The following BRINP3 variants were observed in gnomAD, a reference collection of about 807,000 sequenced individuals.
The protein encoded by BRINP3 is BMP/retinoic acid inducible neural specific 3.
In BRINP3, 19 loss-of-function variants were observed where a neutral mutation model predicts 71.0. The observed-to-expected ratio is 0.27, with a 90% CI of 0.19 to 0.39. The LOEUF is 0.39. BRINP3 is among the 10% of genes least tolerant of loss of function. The pLI is 1.00. For missense variants in BRINP3, 959 were observed against 940.8 expected, an observed-to-expected ratio of 1.02 and a Z score of -0.25; for synonymous variants, 380 against 337.7, an observed-to-expected ratio of 1.13 and a Z score of -1.37.
chr1:190,425,179 A>T (rs1459219445), intron 2 of BRINP3, among the ~76,000 whole-genome samples: 3 of 151,696 alleles, frequency 2.0e-5, no homozygotes, highest in African/African-American at 7.2e-5. Context: ...TATTTTGGAG[A>T]ACAGAAGAAG....
chr1:190,415,090 CA>C (rs1347427472), intron 2 of BRINP3, among the ~76,000 whole-genome samples: 1 of 152,144 alleles, frequency 6.6e-6, no homozygotes, highest in Non-Finnish European at 1.5e-5. Context: ...AACTTTTAAT[CA>C]AAATTCATGT....
intron 4 of BRINP3, among the ~76,000 whole-genome samples, chr1:190,257,931 TG>T (rs1346651444): frequency 7.2e-5 from 11 of 152,148 alleles, no homozygotes; most frequent in African/African-American, 2.2e-4. Context: ...TTAGGCTACA[TG>T]GGGGGTCAGG....
chr1:190,395,762 T>C (rs1240105040), intron 2 of BRINP3, among the ~76,000 whole-genome samples: 1 of 151,852 alleles, frequency 6.6e-6, no homozygotes, highest in African/African-American at 2.4e-5. Context: ...CAACGATTCT[T>C]AACTAAGTTT....
chr1:190,247,852 TACATTTCCAATAC>T lies in BRINP3; in HGVS notation c.619-13388_619-13376del, dbSNP rs1443206424. On this transcript the variant is annotated intron_variant, in intron 4 of 7. Coordinates refer to ENST00000367462, the MANE Select transcript of BRINP3 (RefSeq NM_199051.3). The stretch of plus-strand genomic sequence containing the variant: ...ATTTTTAAAAAATAAATTACCTACT[TACATTTCCAATAC>T]ACATTTCCAATATATTTCAAGGTCA... Among the ~76,000 whole-genome samples the T allele has an allele frequency of 2.0e-5, 3 of 152,084 alleles. No homozygotes were observed. The East Asian group carries it at 5.8e-4, about 29-fold the overall frequency.
chr1:190,104,533 T>C (rs1651977180), intron 7 of BRINP3, among the ~76,000 whole-genome samples: 5 of 152,082 alleles, frequency 3.3e-5, no homozygotes, highest in Admixed American at 6.6e-5. Flanking sequence ...AACATTTCGT[T>C]TTCTCTTCAA....
At chr1:190,384,846 T>C (rs1670781111) in intron 2 of BRINP3, among the ~76,000 whole-genome samples, 1 of 151,946 alleles carries the variant, frequency 6.6e-6, no homozygotes, top group Non-Finnish European at 1.5e-5. Context: ...AGATTTATCA[T>C]ATAAGAAACA....
intron 4 of BRINP3, among the ~76,000 whole-genome samples, chr1:190,261,354 T>C (rs908132129): frequency 1.1e-4 from 17 of 152,072 alleles, no homozygotes; most frequent in African/African-American, 4.1e-4. Context: ...TGAAATAAAA[T>C]TTGATATAAA....
chr1:190,337,868 ATTG>A (rs372440917), intron 2 of BRINP3, among the ~76,000 whole-genome samples: 26 of 151,822 alleles, frequency 1.7e-4, no homozygotes, highest in African/African-American at 2.7e-4. Flanking sequence ...CTTGGGTTTT[ATTG>A]TTGTTGTTGT....
At chr1:190,147,189 T>G (rs1655964257) in intron 7 of BRINP3, among the ~76,000 whole-genome samples, 1 of 152,092 alleles carries the variant, frequency 6.6e-6, no homozygotes, top group Non-Finnish European at 1.5e-5. Flanking sequence ...ATGCATGCCA[T>G]CCACAACTAA....
At chr1:190,451,787 G>A (rs897201857) in intron 2 of BRINP3, among the ~76,000 whole-genome samples, 1 of 152,082 alleles carries the variant, frequency 6.6e-6, no homozygotes, top group Non-Finnish European at 1.5e-5. Context: ...CTTAGCCCTA[G>A]CTATGATTTT....
At chr1:190,200,609 A>G (rs1438465684) in intron 6 of BRINP3, among the ~76,000 whole-genome samples, 2 of 152,116 alleles carry the variant, frequency 1.3e-5, no homozygotes, top group Admixed American at 6.6e-5. Context: ...TGATGATGGA[A>G]GATGATAGGA....
chr1:190,407,449 A>G (rs1435189148), intron 2 of BRINP3, among the ~76,000 whole-genome samples: 4 of 152,156 alleles, frequency 2.6e-5, no homozygotes, highest in Non-Finnish European at 2.9e-5. Flanking sequence ...CATCAAAAAC[A>G]CTAAATCCTT....
intron 2 of BRINP3, among the ~76,000 whole-genome samples, chr1:190,351,830 A>G (rs1317625957): frequency 1.3e-5 from 2 of 152,248 alleles, no homozygotes; most frequent in East Asian, 3.9e-4. Context: ...ACCATTTCTA[A>G]GATGAACAAA....
At chr1:190,390,027 T>A (rs529975178) in intron 2 of BRINP3, among the ~76,000 whole-genome samples, 1 of 151,934 alleles carries the variant, frequency 6.6e-6, no homozygotes, top group East Asian at 1.9e-4. Flanking sequence ...TGATGAGACT[T>A]TTCCTGTAAA....
At chr1:190,401,376 CAAAAAAAAAAAA>C (rs762938571) in intron 2 of BRINP3, among the ~76,000 whole-genome samples, 1 of 89,372 alleles carries the variant, frequency 1.1e-5, no homozygotes, top group African/African-American at 5.0e-5. Flanking sequence ...CATCTCAAAA[CAAAAAAAAAAAA>C]AAAAAAAAAG....
intron 2 of BRINP3, among the ~76,000 whole-genome samples, chr1:190,393,550 T>G (rs1671386450): frequency 6.6e-6 from 1 of 151,592 alleles, no homozygotes; most frequent in African/African-American, 2.4e-5. Flanking sequence ...ATCAGCAGAT[T>G]TTTTATATGC....
intron 2 of BRINP3, among the ~76,000 whole-genome samples, chr1:190,420,125 G>A (rs372149319): frequency 1.3e-4 from 20 of 152,106 alleles, no homozygotes; most frequent in African/African-American, 2.6e-4. Flanking sequence ...AAGAAGGAGC[G>A]TGTATTAGTG....
chr1:190,397,859 G>C (rs926797091), intron 2 of BRINP3, among the ~76,000 whole-genome samples: 4 of 151,682 alleles, frequency 2.6e-5, no homozygotes, highest in African/African-American at 9.7e-5. Flanking sequence ...AAAAATAGTT[G>C]ACATTTTTCT....
intron 7 of BRINP3, among the ~76,000 whole-genome samples, chr1:190,139,915 G>A (rs1655291763): frequency 6.6e-6 from 1 of 152,146 alleles, no homozygotes; most frequent in Non-Finnish European, 1.5e-5. Context: ...GTCTCTGAGG[G>A]CTTGCTTTCT....
Sources: gnomAD v4.1 joint callset for allele counts (sites outside exome capture counted in the v4.1 genomes callset) on GRCh38, gnomAD v4.1.1 for gene constraint, MANE v1.5 for transcripts, NCBI Gene and HGNC (gene_info 2026-07-23, HGNC 2026-07-21) for gene names.